The following RIF1 variants were observed in gnomAD, a reference collection of about 807,000 sequenced individuals.
The protein encoded by RIF1 is telomere-associated protein RIF1.
RIF1 carries 45 observed loss-of-function variants against 247.1 expected under a neutral mutation model. The observed-to-expected ratio is 0.18, with a 90% CI of 0.14 to 0.23. The LOEUF is 0.23. Among genes scored for constraint, RIF1 ranks in the 10% least tolerant of loss-of-function variants. The pLI is 1.00. For synonymous variants in RIF1, 1,087 were observed against 978.8 expected, an observed-to-expected ratio of 1.11 and a Z score of -2.06; for missense variants, 2,967 against 2,862.5, an observed-to-expected ratio of 1.04 and a Z score of -0.83.
At chr2:151,501,538 G>A in intron 11 of RIF1, 1 of 1,014,080 alleles carries the variant, frequency 9.9e-7, no homozygotes, top group Non-Finnish European at 1.3e-6. Flanking sequence ...TTTTTAGGTA[G>A]ACTTAACCTA....
At chr2:151,502,481 A>C (rs1168805769) in intron 11 of RIF1, among the ~76,000 whole-genome samples, 1 of 152,156 alleles carries the variant, frequency 6.6e-6, no homozygotes, top group African/African-American at 2.4e-5. Flanking sequence ...TGTCCTTTTG[A>C]AAGGGTGTTA....
At chr2:151,510,620 CTT>C (rs1007885704), downstream of RIF1, among the ~76,000 whole-genome samples, 1 of 152,132 alleles carries the variant, frequency 6.6e-6, no homozygotes, top group African/African-American at 2.4e-5. Context: ...AACTATATAA[CTT>C]TTATTACAGT....
At position 151,491,489 on chromosome 2, in the gene RIF1, A is replaced by C. The variant is rs1318337551; in HGVS notation, c.*416-3740A>C. ...AGACATGCACTGAGGCAGTGAAACA[A>C]AATTTTTTCTAACTTGAACTTATCT... is the stretch of plus-strand genomic sequence containing the variant. On this transcript the variant is annotated intron_variant and NMD_transcript_variant, in intron 9 of 13. Transcript: ENST00000454583. The C allele has an allele frequency of 1.6e-5, 8 of 488,936 alleles. No homozygotes were observed. The Admixed American group carries it at 2.0e-4, about 12-fold the overall frequency. 30.3% of individuals were successfully genotyped at this position (488,936 alleles called of 1,614,324 possible). A position where few individuals can be genotyped will look rare whatever the true frequency, so the allele number is the denominator to read the frequency against.
intron 9 of RIF1, chr2:151,493,079 A>G: frequency 2.9e-6 from 1 of 348,698 alleles, no homozygotes; most frequent in Non-Finnish European, 5.2e-6. Context: ...ACTACCTCAA[A>G]GTATAGGGGA....
chr2:151,516,541 T>C, the RIF1 span: 1 of 1,611,468 alleles, frequency 6.2e-7, no homozygotes. Flanking sequence ...TCGTTCCTTT[T>C]CATACTTTTC....
rs1428451800 is a variant in RIF1, at chr2:151,468,503, G to A, written c.6777G>A (p.Leu2259=). ...KHNTTSAKGF[L]SPGSRSPKFK... is the part of the protein sequence containing the mutation. Reference sequence around the variant, plus strand: ...ATACCACTTCAGCCAAAGGATTTCTGTCCCCAGGATCACGTAGCCCTAAAT... The same window carrying A: ...ATACCACTTCAGCCAAAGGATTTCTATCCCCAGGATCACGTAGCCCTAAAT... The change falls in exon 32 of 36, where the codon CTG becomes CTA. Residue 2259 remains leucine (L), a synonymous_variant. Transcript: ENST00000444746. 1.9e-6 allele frequency: 3 copies of A among 1,613,404 alleles called. No individual in the cohort carries two copies. The East Asian group carries it at 6.7e-5, about 36-fold the overall frequency.
At chr2:151,503,584 C>A in intron 12 of RIF1, 1 of 552,092 alleles carries the variant, frequency 1.8e-6, no homozygotes, top group South Asian at 2.8e-5. Flanking sequence ...GGGGAAAATT[C>A]CATGAATATT....
At chr2:151,423,101 T>A in intron 8 of RIF1, 59 bp downstream of exon 8, 1 of 915,542 alleles carries the variant, frequency 1.1e-6, no homozygotes, top group Non-Finnish European at 1.8e-6. Context: ...TTTATTTTCT[T>A]ACCTTTTCTT....
At chr2:151,460,235 G>T (rs542844888) in intron 26 of RIF1, 116 bp downstream of exon 26, 2 of 766,838 alleles carry the variant, frequency 2.6e-6, no homozygotes, top group East Asian at 3.1e-5. Context: ...TGGGATTGCA[G>T]GGGAATTGAG....
At chr2:151,422,829 A>T in intron 7 of RIF1, 121 bp from the exon 8 acceptor site, 1 of 606,118 alleles carries the variant, frequency 1.6e-6, no homozygotes, top group Non-Finnish European at 2.9e-6. Context: ...GGGTGGGGTA[A>T]TATTTTTATT....
chr2:151,496,804 G>A (rs1216164728), intron 10 of RIF1: 11 of 1,146,116 alleles, frequency 9.6e-6, no homozygotes, highest in Non-Finnish European at 1.2e-5. Flanking sequence ...GTAGCCCAAA[G>A]GAAAAAAGGA....
chr2:151,499,117 GATTAT>G (rs2062512921), intron 10 of RIF1, among the ~76,000 whole-genome samples: 1 of 152,054 alleles, frequency 6.6e-6, no homozygotes, highest in African/African-American at 2.4e-5. Context: ...TAAGTTAAAT[GATTAT>G]ATTAATGTTT....
At chr2:151,431,362 G>C (rs149436174) in intron 9 of RIF1, among the ~76,000 whole-genome samples, 3,035 of 152,252 alleles carry the variant, frequency 0.02, 277 homozygotes, top group Admixed American at 0.17. Flanking sequence ...CTCAGTGGCC[G>C]ACTAGAAAAA....
intron 7 of RIF1, among the ~76,000 whole-genome samples, chr2:151,422,598 C>G (rs1486008299): frequency 2.0e-5 from 3 of 151,748 alleles, no homozygotes; most frequent in Non-Finnish European, 4.4e-5. Flanking sequence ...CTCCCAGGTT[C>G]AAGCAATTCT....
At chr2:151,419,580 T>A (rs910411597) in intron 6 of RIF1, among the ~76,000 whole-genome samples, 1 of 152,094 alleles carries the variant, frequency 6.6e-6, no homozygotes. Flanking sequence ...CGCCTCGGCC[T>A]CCCAAAGTGC....
rs1244926827 is a variant in RIF1 at position 151,463,960 on chromosome 2, G to T, written c.4440G>T (p.Glu1480Asp). 6.2e-7 allele frequency: 1 copy of T among 1,609,392 alleles called. No individual in the cohort carries two copies. The highest frequency in any genetic ancestry group is 1.1e-5 in the South Asian group (1 of 89,852). ...AAACTCTACAGGAGAATTTAATTGAGAAAGGAAGTAATTTACATGAGAAGA... is the reference window on the plus strand; with the variant it reads ...AAACTCTACAGGAGAATTTAATTGATAAAGGAAGTAATTTACATGAGAAGA... Reference protein sequence around the residue: ...AEQTLQENLIEKGSNLHEKTL... With the variant: ...AEQTLQENLIDKGSNLHEKTL... Residue 1480 changes from glutamate (E) to aspartate (D), a missense_variant, in exon 30 of 36, where the codon GAG (glutamate) becomes GAT (aspartate). Physicochemically the swap from Glu to Asp is conservative, Grantham distance 45 (BLOSUM62 2). Transcript: ENST00000444746.
Position 151,438,731 on chromosome 2 carries a change from T to G in RIF1, c.1531T>G (p.Ser511Ala), listed in dbSNP as rs1261425560. The G allele has an allele frequency of 6.2e-7, 1 of 1,610,670 alleles. No individual in the cohort carries two copies. Among genetic ancestry groups the G allele is most frequent in the Admixed American group, 1.7e-5 (1 of 60,008 alleles). ...GAAGGAGCTAATTAGCTTGGTGAAG[T>G]CAGTTACTGAATCAGGTAAGCACTA... Reference protein sequence around the residue: ...IWKELISLVKSVTESGNKKEK... With the variant: ...IWKELISLVKAVTESGNKKEK... Residue 511 changes from serine to alanine, a missense_variant, in exon 14 of 36, where the codon TCA becomes GCA. Coordinates refer to ENST00000444746, the MANE Select transcript of RIF1 (RefSeq NM_018151.5).
chr2:151,504,451 C>T (rs1478116352), intron 12 of RIF1, among the ~76,000 whole-genome samples: 1 of 152,204 alleles, frequency 6.6e-6, no homozygotes, highest in African/African-American at 2.4e-5. Context: ...GCTTTCTCAA[C>T]TCTTATTAGA....
At chr2:151,525,067 G>T in the RIF1 span, 1 of 922,220 alleles carries the variant, frequency 1.1e-6, no homozygotes, top group Non-Finnish European at 1.8e-6. Context: ...TACCACAGAG[G>T]AATTAGAGTG....
Sources: allele counts gnomAD v4.1 joint callset (sites outside exome capture counted in the v4.1 genomes callset), GRCh38; gene constraint gnomAD v4.1.1; transcripts MANE v1.5; gene names NCBI Gene and HGNC (gene_info 2026-07-23, HGNC 2026-07-21).